The following TNFAIP8 variants were observed in gnomAD, a reference collection of about 807,000 sequenced individuals.
The protein encoded by TNFAIP8 is TNF alpha induced protein 8.
In TNFAIP8, 7 loss-of-function variants were observed where a neutral mutation model predicts 13.3. The observed-to-expected ratio is 0.52, with a 90% CI of 0.30 to 0.99. The LOEUF is 0.99. TNFAIP8 is among the 50% of genes least tolerant of loss of function. TNFAIP8 has a pLI of 0.07. For missense variants in TNFAIP8, 258 were observed against 236.9 expected, an observed-to-expected ratio of 1.09 and a Z score of -0.58; for synonymous variants, 94 against 87.6, an observed-to-expected ratio of 1.07 and a Z score of -0.41.
chr5:119,281,808 C>CT (rs1748639288), intron 1 of TNFAIP8, among the ~76,000 whole-genome samples: 1 of 152,182 alleles, frequency 6.6e-6, no homozygotes, highest in Non-Finnish European at 1.5e-5. Context: ...GATTGAAGCT[C>CT]TTTCTCTAGT....
In TNFAIP8 at chr5:119,398,776, C is replaced by A. The variant is rs1240593622; in HGVS notation, c.*5395C>A. ...GAAACACAAGACGCGGAAATAAAAA[C>A]TCAGAGTATAAATATCTATATTGTT... On this transcript the variant is annotated 3_prime_UTR_variant, in exon 2 of 2. Coordinates refer to ENST00000504771, the MANE Select transcript of TNFAIP8 (RefSeq NM_014350.4). The A allele has an allele frequency of 6.6e-6, 1 of 152,028 alleles. No homozygotes were observed. The highest frequency in any genetic ancestry group is 1.5e-5 in the Non-Finnish European group (1 of 68,004). The allele number at this position is 152,028 out of a possible 1,614,324, so 9.4% of individuals were successfully genotyped here. A position where few individuals can be genotyped will look rare whatever the true frequency, so the allele number is the denominator to read the frequency against.
intron 1 of TNFAIP8, among the ~76,000 whole-genome samples, chr5:119,370,339 C>A (rs1752025618): frequency 2.0e-5 from 3 of 152,180 alleles, no homozygotes; most frequent in Admixed American, 1.3e-4. Flanking sequence ...CATGAATCCA[C>A]ACATAAAACT....
At position 119,365,214 on chromosome 5, in the gene TNFAIP8, C is replaced by T. The variant is rs200554032; in HGVS notation, c.31+9093C>T. Among the ~76,000 whole-genome samples, 8 of 152,090 alleles carry T rather than the reference C, an allele frequency of 5.3e-5. No homozygotes were observed. In the East Asian group the frequency reaches 1.5e-3, roughly 29 times the overall value. On this transcript the variant is annotated intron_variant, in intron 1 of 1. Transcript: ENST00000504771. ...ACTTCCTCTCTCCTCGTATTTTTTT[C>T]TTCCTGTGACAGGAGTGCATGTCTT...
chr5:119,355,597 A>C (rs542696110), upstream of TNFAIP8: 9 of 563,126 alleles, frequency 1.6e-5, no homozygotes, highest in South Asian at 2.1e-4. Context: ...CAAAAAATGT[A>C]ATCCAAAAAT....
At chr5:119,378,672 CA>C (rs1372689411) in intron 1 of TNFAIP8, among the ~76,000 whole-genome samples, 3 of 152,158 alleles carry the variant, frequency 2.0e-5, no homozygotes, top group African/African-American at 7.2e-5. Context: ...GTCACTTCTC[CA>C]AACAAAAGTA....
chr5:119,272,880 G>A (rs1016018041), intron 1 of TNFAIP8, among the ~76,000 whole-genome samples: 1 of 152,192 alleles, frequency 6.6e-6, no homozygotes, highest in Non-Finnish European at 1.5e-5. Context: ...AGGTGACGGG[G>A]GGCTAGGTGT....
At chr5:119,311,755 A>G (rs924540437) in intron 1 of TNFAIP8, among the ~76,000 whole-genome samples, 3 of 150,546 alleles carry the variant, frequency 2.0e-5, no homozygotes, top group Admixed American at 6.7e-5. Flanking sequence ...TAAGGTGATT[A>G]GCAAGAGCAG....
At chr5:119,285,824 A>G (rs188336632) in intron 1 of TNFAIP8, among the ~76,000 whole-genome samples, 17 of 152,320 alleles carry the variant, frequency 1.1e-4, no homozygotes, top group African/African-American at 4.1e-4. Flanking sequence ...CTTCCTTGAG[A>G]TGAAACACTG....
At chr5:119,298,375 G>C (rs1173525375) in intron 1 of TNFAIP8, among the ~76,000 whole-genome samples, 1 of 151,520 alleles carries the variant, frequency 6.6e-6, no homozygotes, top group Non-Finnish European at 1.5e-5. Context: ...AAGCTTAGTT[G>C]GGCTGGATAT....
chr5:119,377,913 C>G (rs1752342725), intron 1 of TNFAIP8, among the ~76,000 whole-genome samples: 1 of 152,042 alleles, frequency 6.6e-6, no homozygotes. Flanking sequence ...GCCTACAGAA[C>G]CCAGGAAATG....
At chr5:119,281,287 T>TACACACACAC (rs1554167569) in intron 1 of TNFAIP8, among the ~76,000 whole-genome samples, 3 of 112,406 alleles carry the variant, frequency 2.7e-5, no homozygotes, top group Non-Finnish European at 5.7e-5. Context: ...CACACACACA[T>TACACACACAC]ACACACACAC....
At chr5:119,350,998 CTGTGTGTGTGTGTG>C (rs70982476) in intron 1 of TNFAIP8, among the ~76,000 whole-genome samples, 16 of 137,872 alleles carry the variant, frequency 1.2e-4, no homozygotes, top group Non-Finnish European at 1.1e-4. Flanking sequence ...GGGTCTCACT[CTGTGTGTGTGTGTG>C]TGTGTGTGTG....
chr5:119,326,259 A>G (rs1750222179), intron 1 of TNFAIP8, among the ~76,000 whole-genome samples: 1 of 152,236 alleles, frequency 6.6e-6, no homozygotes, highest in Non-Finnish European at 1.5e-5. Context: ...AAACATGGCT[A>G]TCTCTTGGAG....
At position 119,319,327 on chromosome 5, in the gene TNFAIP8, G is replaced by A. The variant is rs1482511790; in HGVS notation, c.1+50420G>A. 2.0e-5 allele frequency among the ~76,000 whole-genome samples: 3 copies of A among 152,152 alleles called. No individual in the cohort carries two copies. In the South Asian group the frequency reaches 6.2e-4, roughly 31 times the overall value. The stretch of plus-strand genomic sequence containing the variant: ...TCCGTTTGGATATGTAAACATTTAG[G>A]TTTTTCTTCTGGCTTTGGAGTTTGT... On this transcript the variant is annotated intron_variant, in intron 1 of 1. Transcript: ENST00000274456.
chr5:119,312,969 T>C (rs1034817602), intron 1 of TNFAIP8, among the ~76,000 whole-genome samples: 1 of 152,124 alleles, frequency 6.6e-6, no homozygotes, highest in Non-Finnish European at 1.5e-5. Context: ...ATAGGCTATC[T>C]AATAAAAACC....
chr5:119,312,168 TCTGGGATTCTAG>T (rs1256566759), intron 1 of TNFAIP8, among the ~76,000 whole-genome samples: 9 of 152,310 alleles, frequency 5.9e-5, no homozygotes, highest in Non-Finnish European at 2.9e-5. Context: ...CAAATTATTA[TCTGGGATTCTAG>T]CTGGGAATGG....
chr5:119,312,999 A>G (rs2112674361), intron 1 of TNFAIP8, among the ~76,000 whole-genome samples: 1 of 152,274 alleles, frequency 6.6e-6, no homozygotes, highest in South Asian at 2.1e-4. Context: ...ACTTGTTTTG[A>G]TTATTATTAT....
intron 1 of TNFAIP8, among the ~76,000 whole-genome samples, chr5:119,321,381 T>G (rs1561999621): frequency 6.8e-6 from 1 of 146,192 alleles, no homozygotes; most frequent in South Asian, 2.2e-4. Context: ...TCTGGATGAT[T>G]TCTAGTCCTG....
rs140649881 is a variant in TNFAIP8 at position 119,363,513 on chromosome 5, G to A, written c.31+7392G>A. On this transcript the variant is annotated intron_variant, in intron 1 of 1. Coordinates refer to ENST00000504771, the MANE Select transcript of TNFAIP8 (RefSeq NM_014350.4). ...TCACCTCCAACCAGCATTTGGAAGA[G>A]CATTTGCCTACAGGCCTCTTCCTGT... Among the ~76,000 whole-genome samples, 698 of 152,300 alleles carry A rather than the reference G, an allele frequency of 4.6e-3. 7 individuals carry two copies. The highest frequency in any genetic ancestry group is 0.016 in the African/African-American group (680 of 41,552).
Sources: allele counts gnomAD v4.1 joint callset (sites outside exome capture counted in the v4.1 genomes callset), GRCh38; gene constraint gnomAD v4.1.1; transcripts MANE v1.5; gene names NCBI Gene and HGNC (gene_info 2026-07-23, HGNC 2026-07-21).